Variants in ZNG1E observed in about 807,000 individuals in gnomAD.
ZNG1E encodes the protein Zn regulated GTPase metalloprotein activator 1E, also known as zinc-regulated GTPase metalloprotein activator 1E.
At chr9:65,710,315 T>G in the ZNG1E span, among the ~76,000 whole-genome samples, 1 of 148,240 alleles carries the variant, frequency 6.7e-6, no homozygotes, top group Non-Finnish European at 1.5e-5. Context: ...GCCTGTTCAC[T>G]CTGATGGTAG....
the ZNG1E span, among the ~76,000 whole-genome samples, chr9:65,685,043 TAAAAAAAAA>T: frequency 0.043 from 4,551 of 106,370 alleles, 4 homozygotes; most frequent in South Asian, 0.063. Context: ...CCCCATTTCT[TAAAAAAAAA>T]AAAAAAAAAA....
chr9:65,691,733 C>A, the ZNG1E span, among the ~76,000 whole-genome samples: 14 of 152,046 alleles, frequency 9.2e-5, no homozygotes, highest in Non-Finnish European at 1.3e-4. Flanking sequence ...GAATTAAACA[C>A]TCCTCCCTTA....
chr9:65,678,822 G>T, the ZNG1E span, among the ~76,000 whole-genome samples: 1 of 131,888 alleles, frequency 7.6e-6, no homozygotes. Flanking sequence ...CATACTATAA[G>T]TAGCCATATA....
At chr9:65,684,546 GCACGCACACACACACA>G in the ZNG1E span, among the ~76,000 whole-genome samples, 1 of 139,484 alleles carries the variant, frequency 7.2e-6, no homozygotes, top group South Asian at 2.4e-4. Context: ...ACACACACAC[GCACGCACACACACACA>G]CACACACATT....
chr9:65,725,576 TGTA>T, the ZNG1E span, among the ~76,000 whole-genome samples: 3 of 121,124 alleles, frequency 2.5e-5, no homozygotes, highest in African/African-American at 1.1e-4. Context: ...TCATCCATGT[TGTA>T]GTATATGACA....
the ZNG1E span, chr9:65,675,923 A>C: frequency 6.2e-7 from 1 of 1,608,486 alleles, no homozygotes; most frequent in East Asian, 2.2e-5. Flanking sequence ...CGGCTGCGGT[A>C]CGGCGTGTTG....
the ZNG1E span, among the ~76,000 whole-genome samples, chr9:65,663,278 A>G: frequency 6.6e-6 from 1 of 152,156 alleles, no homozygotes; most frequent in East Asian, 1.9e-4. Context: ...AAACTTATAA[A>G]GCATGTTTCT....
At chr9:65,704,683 T>G in the ZNG1E span, 1 of 660,228 alleles carries the variant, frequency 1.5e-6, no homozygotes, top group African/African-American at 3.1e-5. Context: ...GAGGCCAAGG[T>G]GGGCGGATCA....
the ZNG1E span, among the ~76,000 whole-genome samples, chr9:65,693,772 G>A: frequency 1.3e-3 from 192 of 151,902 alleles, 2 homozygotes; most frequent in South Asian, 2.7e-3. Flanking sequence ...GACCAGCCTG[G>A]TCATGAACTC....
the ZNG1E span, among the ~76,000 whole-genome samples, chr9:65,673,692 C>A: frequency 2.0e-5 from 3 of 152,376 alleles, no homozygotes; most frequent in African/African-American, 7.2e-5. Flanking sequence ...GGAGTCCCAG[C>A]TACTTGGGAG....
the ZNG1E span, among the ~76,000 whole-genome samples, chr9:65,684,296 G>A: frequency 6.6e-6 from 1 of 151,348 alleles, no homozygotes; most frequent in Non-Finnish European, 1.5e-5. Flanking sequence ...CAGCACTTTG[G>A]GAGGCTGAGG....
chr9:65,685,368 A>G, the ZNG1E span, among the ~76,000 whole-genome samples: 1 of 152,228 alleles, frequency 6.6e-6, no homozygotes, highest in Non-Finnish European at 1.5e-5. Flanking sequence ...ACATGATGCT[A>G]TTTGATAGCA....
the ZNG1E span, among the ~76,000 whole-genome samples, chr9:65,710,601 T>C: frequency 1.5e-4 from 23 of 152,088 alleles, no homozygotes; most frequent in Non-Finnish European, 2.8e-4. Context: ...GAACCATTTA[T>C]TAAATACGGA....
chr9:65,658,388 G>A, the ZNG1E span, among the ~76,000 whole-genome samples: 6 of 151,430 alleles, frequency 4.0e-5, no homozygotes, highest in African/African-American at 1.5e-4. Flanking sequence ...AGTAAGCAGA[G>A]CAAAAATATA....
At chr9:65,659,494 C>CAA in the ZNG1E span, among the ~76,000 whole-genome samples, 18,014 of 105,532 alleles carry the variant, frequency 0.17, 41 homozygotes, top group African/African-American at 0.2. Context: ...GACTCCGTCT[C>CAA]AAAAAAAAAA....
the ZNG1E span, among the ~76,000 whole-genome samples, chr9:65,666,545 T>G: frequency 3.5e-5 from 5 of 141,056 alleles, no homozygotes; most frequent in African/African-American, 1.3e-4. Flanking sequence ...ATATCACCTC[T>G]GCTGTTTCCT....
the ZNG1E span, among the ~76,000 whole-genome samples, chr9:65,691,850 T>C: frequency 6.7e-6 from 1 of 149,666 alleles, no homozygotes; most frequent in Non-Finnish European, 1.5e-5. Context: ...TTTCCCTTTT[T>C]CACCTTTTTA....
At chr9:65,674,946 T>G in the ZNG1E span, among the ~76,000 whole-genome samples, 2 of 143,112 alleles carry the variant, frequency 1.4e-5, no homozygotes, top group African/African-American at 5.4e-5. Context: ...CACAATAGAA[T>G]ACAAGACAGC....
At chr9:65,687,866 G>T in the ZNG1E span, among the ~76,000 whole-genome samples, 2 of 150,600 alleles carry the variant, frequency 1.3e-5, no homozygotes, top group Admixed American at 1.3e-4. Flanking sequence ...TATAAACAAG[G>T]TATATCTAAG....
Sources: allele counts gnomAD v4.1 joint callset (sites outside exome capture counted in the v4.1 genomes callset), GRCh38; gene constraint gnomAD v4.1.1; transcripts MANE v1.5; gene names NCBI Gene and HGNC (gene_info 2026-07-23, HGNC 2026-07-21).